Variants in RBMS2 observed in about 807,000 individuals in gnomAD.
The protein encoded by RBMS2 is RNA-binding motif, single-stranded-interacting protein 2.
RBMS2 carries 38 observed loss-of-function variants against 58.4 expected under a neutral mutation model. The ratio of observed to expected loss-of-function variants is 0.65; its 90% CI spans 0.50 to 0.85. The LOEUF is 0.85. Ranked by LOEUF, RBMS2 falls within the 40% of genes least tolerant of loss-of-function variation. The pLI is 0.00. For synonymous variants in RBMS2, 151 were observed against 180.7 expected (o/e 0.84, Z 1.32); for missense variants, 367 against 503.7 (o/e 0.73, Z 2.60).
intron 1 of RBMS2, among the ~76,000 whole-genome samples, chr12:56,538,271 G>A (rs1875327105): frequency 6.6e-6 from 1 of 151,608 alleles, no homozygotes; most frequent in African/African-American, 2.4e-5. Context: ...GGCCTCATGT[G>A]ATCCACCCAC....
At chr12:56,529,466 AG>A in intron 1 of RBMS2, among the ~76,000 whole-genome samples, 1 of 152,204 alleles carries the variant, frequency 6.6e-6, no homozygotes, top group East Asian at 1.9e-4. Flanking sequence ...CGGAAGGCTG[AG>A]GTGGTAGGAT....
At chr12:56,565,758 G>A (rs917741804) in intron 2 of RBMS2, among the ~76,000 whole-genome samples, 1 of 152,054 alleles carries the variant, frequency 6.6e-6, no homozygotes, top group Non-Finnish European at 1.5e-5. Flanking sequence ...TGTCCCAGTT[G>A]TCTCTCCCTG....
At chr12:56,588,412 A>G in intron 12 of RBMS2, 38 bp downstream of exon 12, 2 of 1,555,440 alleles carry the variant, frequency 1.3e-6, no homozygotes, top group South Asian at 2.2e-5. Context: ...GAGATTAGGA[A>G]AATGAACGGA....
intron 1 of RBMS2, among the ~76,000 whole-genome samples, chr12:56,547,329 T>C (rs1473411627): frequency 6.6e-6 from 1 of 151,576 alleles, no homozygotes; most frequent in Non-Finnish European, 1.5e-5. Flanking sequence ...CACTCCAGCC[T>C]GGGCAATGAG....
rs1410184965 is a variant in RBMS2 at position 56,582,004 on chromosome 12, A to C, written c.780-55A>C. Reference sequence around the variant, plus strand: ...ACGTTGGCTGTGCCTATCAGTTGGGACCCTTCCCTTGTGGTTTCCTGTGAC... The same window carrying C: ...ACGTTGGCTGTGCCTATCAGTTGGGCCCCTTCCCTTGTGGTTTCCTGTGAC... On this transcript the variant is annotated intron_variant, in intron 8 of 13. Coordinates refer to ENST00000262031, the MANE Select transcript of RBMS2 (RefSeq NM_002898.4). 3 of 1,566,180 alleles carry C rather than the reference A, an allele frequency of 1.9e-6. No homozygotes were observed. The African/African-American group carries it at 4.1e-5, about 21-fold the overall frequency.
chr12:56,555,111 G>A (rs1424339800), intron 1 of RBMS2, among the ~76,000 whole-genome samples: 1 of 151,118 alleles, frequency 6.6e-6, no homozygotes, highest in Non-Finnish European at 1.5e-5. Context: ...AGGCAGCCAA[G>A]TACCTGGATA....
At chr12:56,522,129 T>A (rs1280682109) in intron 1 of RBMS2, 40 bp downstream of exon 1, 3 of 1,481,420 alleles carry the variant, frequency 2.0e-6, no homozygotes, top group Non-Finnish European at 1.9e-6. Context: ...CTACTTCTTT[T>A]TCTGGGGATC....
intron 9 of RBMS2, among the ~76,000 whole-genome samples, chr12:56,586,027 A>G (rs1884617536): frequency 6.6e-6 from 1 of 152,028 alleles, no homozygotes; most frequent in South Asian, 2.1e-4. Flanking sequence ...TACAAAAAAT[A>G]CAAAAAGTAG....
At chr12:56,530,037 G>C (rs917649318) in intron 1 of RBMS2, among the ~76,000 whole-genome samples, 1 of 152,078 alleles carries the variant, frequency 6.6e-6, no homozygotes, top group African/African-American at 2.4e-5. Flanking sequence ...AGCCTCCCAA[G>C]TAGCTGGGAT....
rs2136630791 is a variant in RBMS2 at position 56,591,315 on chromosome 12, T to C, written c.*2182T>C. The C allele has an allele frequency of 1.3e-5, 2 of 152,190 alleles. No homozygotes were observed. The highest frequency in any genetic ancestry group is 6.8e-3 in the Middle Eastern group (2 of 294). The allele number at this position is 152,190 out of a possible 1,614,324, so 9.4% of individuals were successfully genotyped here. A position where few individuals can be genotyped will look rare whatever the true frequency, so the allele number is the denominator to read the frequency against. ...GAGCTCGGCCCAGCTTTCCCTCCCT[T>C]CCCAGCCACCCTAGAATTGAGAGTC... is the stretch of plus-strand genomic sequence containing the variant. On this transcript the variant is annotated 3_prime_UTR_variant, in exon 14 of 14. Transcript: ENST00000262031.
At chr12:56,560,142 G>T (rs1420414984) in intron 1 of RBMS2, among the ~76,000 whole-genome samples, 1 of 151,684 alleles carries the variant, frequency 6.6e-6, no homozygotes, top group Admixed American at 6.6e-5. Context: ...TGATCCACCC[G>T]CCTCGGCCTC....
chr12:56,587,377 C>T (rs1884818452), intron 10 of RBMS2, among the ~76,000 whole-genome samples, 177 bp from the exon 11 acceptor site: 1 of 152,054 alleles, frequency 6.6e-6, no homozygotes, highest in Admixed American at 6.5e-5. Flanking sequence ...AGACGAGGGT[C>T]CTTCCACACT....
intron 1 of RBMS2, among the ~76,000 whole-genome samples, chr12:56,524,606 G>C (rs1214950902): frequency 1.3e-5 from 2 of 151,854 alleles, no homozygotes; most frequent in Non-Finnish European, 2.9e-5. Flanking sequence ...GTAGAGACGG[G>C]GTTTCACCAT....
intron 1 of RBMS2, among the ~76,000 whole-genome samples, chr12:56,543,358 G>A (rs973846960): frequency 3.3e-5 from 5 of 151,748 alleles, no homozygotes; most frequent in Admixed American, 1.3e-4. Flanking sequence ...GGTGGCAGGC[G>A]CCTGTAATCC....
chr12:56,582,090 A>G lies in RBMS2; in HGVS notation c.811A>G (p.Asn271Asp), dbSNP rs765907785. 9 of 1,612,964 alleles carry G rather than the reference A, an allele frequency of 5.6e-6. No homozygotes were observed. The highest frequency in any genetic ancestry group is 7.6e-6 in the Non-Finnish European group (9 of 1,179,230). ...CCCAGCCCCCTATAACATCACCCCCAACAGGATGCTTGCTCAGTCTGCACT... is the reference window on the plus strand; with the variant it reads ...CCCAGCCCCCTATAACATCACCCCCGACAGGATGCTTGCTCAGTCTGCACT... ...FYPAPYNITP[N>D]RMLAQSALSP... The change falls in exon 9 of 14, where the codon AAC becomes GAC. Residue 271 changes from asparagine to aspartate, a missense_variant. Transcript: ENST00000262031.
At chr12:56,532,599 A>G (rs908504733) in intron 1 of RBMS2, among the ~76,000 whole-genome samples, 1 of 152,008 alleles carries the variant, frequency 6.6e-6, no homozygotes, top group East Asian at 1.9e-4. Flanking sequence ...TCTTCTAGCC[A>G]TTGTTTCATT....
rs183726454 is a variant in RBMS2 at position 56,584,764 on chromosome 12, G to A, written c.874-2085G>A. 4.8e-3 allele frequency among the ~76,000 whole-genome samples: 729 copies of A among 151,282 alleles called. 5 individuals carry two copies. The highest frequency in any genetic ancestry group is 7.7e-3 in the Admixed American group (117 of 15,184). On this transcript the variant is annotated intron_variant, in intron 9 of 13. Transcript: ENST00000262031. ...CGCGCCACTGCACTCCAGCCTCGGC[G>A]ACAGAGTGAGACTCTGTCTCAAAAA...
intron 1 of RBMS2, among the ~76,000 whole-genome samples, chr12:56,553,667 A>G (rs1878695489): frequency 1.3e-5 from 2 of 152,012 alleles, no homozygotes; most frequent in South Asian, 4.2e-4. Flanking sequence ...AGGTTTTACC[A>G]TGTTGCCCAG....
At chr12:56,522,925 T>C (rs1302171579) in intron 1 of RBMS2, among the ~76,000 whole-genome samples, 2 of 152,216 alleles carry the variant, frequency 1.3e-5, no homozygotes, top group Admixed American at 1.3e-4. Context: ...GAAGACTCTT[T>C]ACCCTCTCTT....
Sources: allele counts gnomAD v4.1 joint callset (sites outside exome capture counted in the v4.1 genomes callset), GRCh38; gene constraint gnomAD v4.1.1; transcripts MANE v1.5; gene names NCBI Gene and HGNC (gene_info 2026-07-23, HGNC 2026-07-21).